CLVS1: variants seen among roughly 807,000 people sequenced by gnomAD.
CLVS1 encodes the protein clavesin-1.
CLVS1 carries 10 observed loss-of-function variants against 33.1 expected under a neutral mutation model. The ratio of observed to expected loss-of-function variants is 0.30; its 90% CI spans 0.19 to 0.51. The LOEUF (loss-of-function observed/expected upper bound fraction) is 0.51. Among genes scored for constraint, CLVS1 ranks in the 20% least tolerant of loss-of-function variants. The pLI, the probability that CLVS1 is intolerant of heterozygous loss-of-function variation, is 0.97. For synonymous variants in CLVS1, 163 were observed against 166.1 expected (o/e 0.98, Z 0.14); for missense variants, 343 against 433.4 (o/e 0.79, Z 1.85).
chr8:61,189,393 C>G (rs1024329985), intron 2 of CLVS1, among the ~76,000 whole-genome samples: 1 of 152,162 alleles, frequency 6.6e-6, no homozygotes, highest in Non-Finnish European at 1.5e-5. Context: ...TGGAAAGGAA[C>G]AACCGGTACC....
intron 2 of CLVS1, among the ~76,000 whole-genome samples, chr8:61,356,622 T>C (rs887554849): frequency 2.6e-5 from 4 of 152,170 alleles, no homozygotes; most frequent in African/African-American, 9.7e-5. Flanking sequence ...CAGTTTCAGC[T>C]TTCTACATAT....
At chr8:61,177,810 A>T (rs1235858260) in intron 2 of CLVS1, among the ~76,000 whole-genome samples, 1 of 152,150 alleles carries the variant, frequency 6.6e-6, no homozygotes, top group African/African-American at 2.4e-5. Context: ...ATCAAAAAAA[A>T]AAAAAAGTCC....
rs77601742 is a variant in CLVS1 at position 61,486,222 on chromosome 8, G to C, written c.978-13233G>C. Reference sequence around the variant, plus strand: ...CAGCTTTGAAAGAGGTACTCAATGGGACAGGTGGCATGTTTGCTTTTTGCT... The same window carrying C: ...CAGCTTTGAAAGAGGTACTCAATGGCACAGGTGGCATGTTTGCTTTTTGCT... On this transcript the variant is annotated intron_variant, in intron 5 of 5. Coordinates refer to ENST00000325897, the MANE Select transcript of CLVS1 (RefSeq NM_173519.3). 3.0e-3 allele frequency among the ~76,000 whole-genome samples: 458 copies of C among 152,312 alleles called. 1 individual carries two copies. The highest frequency in any genetic ancestry group is 4.9e-3 in the Non-Finnish European group (330 of 68,022).
intron 2 of CLVS1, among the ~76,000 whole-genome samples, chr8:61,362,864 C>T (rs1813045592): frequency 6.6e-6 from 1 of 152,122 alleles, no homozygotes; most frequent in African/African-American, 2.4e-5. Context: ...TTATATGTTG[C>T]CTCAGGGTTC....
the CLVS1 span, among the ~76,000 whole-genome samples, chr8:60,995,042 C>A: frequency 6.6e-6 from 1 of 151,824 alleles, no homozygotes; most frequent in African/African-American, 2.4e-5. Flanking sequence ...AAACGTTAGA[C>A]CTAAAACCAT....
intron 1 of CLVS1, among the ~76,000 whole-genome samples, chr8:61,060,064 A>T (rs1460957774): frequency 2.6e-5 from 4 of 152,088 alleles, no homozygotes; most frequent in Non-Finnish European, 4.4e-5. Context: ...TGGCAGTAGG[A>T]TCACTCACCT....
chr8:61,167,564 A>C (rs1395742530), intron 2 of CLVS1, among the ~76,000 whole-genome samples: 1 of 152,182 alleles, frequency 6.6e-6, no homozygotes, highest in Non-Finnish European at 1.5e-5. Context: ...TACTGTGAGG[A>C]AACATCAGAG....
the CLVS1 span, among the ~76,000 whole-genome samples, chr8:60,997,986 G>A: frequency 1.3e-5 from 2 of 152,100 alleles, no homozygotes; most frequent in East Asian, 3.9e-4. Flanking sequence ...GTGGAGGACG[G>A]TGGGAAGGTT....
In CLVS1 at chr8:61,105,599, T is replaced by C. The variant is rs1242243955; in HGVS notation, c.-242-26171T>C. ...ATGGGGCCTTCCACACGCCAGGTAC[T>C]CTCTGTGCCCTGAATAAGGCCTCAC... On this transcript the variant is annotated intron_variant, in intron 1 of 2. Transcript: ENST00000522621. Among the ~76,000 whole-genome samples the C allele has an allele frequency of 2.0e-5, 3 of 152,216 alleles. No individual in the cohort carries two copies. In the East Asian group the frequency reaches 5.8e-4, roughly 29 times the overall value.
In CLVS1 at chr8:61,293,621, C is replaced by T. The variant is rs1280268560; in HGVS notation, c.-152+5483C>T. Among the ~76,000 whole-genome samples the T allele has an allele frequency of 3.3e-5, 5 of 152,180 alleles. No individual in the cohort carries two copies. In the East Asian group the frequency reaches 9.6e-4, roughly 29 times the overall value. On this transcript the variant is annotated intron_variant, in intron 1 of 5. Coordinates refer to ENST00000325897, the MANE Select transcript of CLVS1 (RefSeq NM_173519.3). ...ATATCAGCAGCATCTATTTTTATTT[C>T]ATTCAGTATAAAAATTTCTTTTGGT... is the stretch of plus-strand genomic sequence containing the variant.
At chr8:61,094,428 G>A (rs962371008) in intron 1 of CLVS1, among the ~76,000 whole-genome samples, 1 of 152,110 alleles carries the variant, frequency 6.6e-6, no homozygotes, top group African/African-American at 2.4e-5. Context: ...TCGTGACATT[G>A]TATCAGTTTA....
chr8:61,008,820 A>G, the CLVS1 span, among the ~76,000 whole-genome samples: 3 of 152,352 alleles, frequency 2.0e-5, no homozygotes, highest in African/African-American at 4.8e-5. Flanking sequence ...TCCCAGGAAT[A>G]GAAGTTATCA....
rs141232164 is a variant in CLVS1 at position 61,071,619 on chromosome 8, C to T, written c.-243+14389C>T. Among the ~76,000 whole-genome samples the T allele has an allele frequency of 2.0e-5, 3 of 152,346 alleles. No homozygotes were observed. In the East Asian group the frequency reaches 5.8e-4, roughly 29 times the overall value. The stretch of plus-strand genomic sequence containing the variant: ...TATAAAGTGACACACACAACTTCTG[C>T]AGATGAGCATATGGATACCTTTGGT... On this transcript the variant is annotated intron_variant, in intron 1 of 2. Coordinates refer to the CLVS1 transcript ENST00000522621.
At chr8:60,977,167 C>T in the CLVS1 span, among the ~76,000 whole-genome samples, 2 of 152,262 alleles carry the variant, frequency 1.3e-5, no homozygotes. Flanking sequence ...AATGGTTGAC[C>T]CTAGTCCTCC....
Position 61,271,881 on chromosome 8 carries a change from C to T in CLVS1, c.-151-27796C>T, listed in dbSNP as rs554446551. On this transcript the variant is annotated intron_variant, in intron 2 of 2. Transcript: ENST00000522621. ...TCCATTTGCTTGGTAGATCTTCCTC[C>T]ATCCTTTTATTTTGAGCCTGTGTGT... is the stretch of plus-strand genomic sequence containing the variant. Among the ~76,000 whole-genome samples the T allele has an allele frequency of 7.9e-3, 1,195 of 151,308 alleles. 16 individuals carry two copies. Among genetic ancestry groups the T allele is most frequent in the African/African-American group, 0.027 (1,112 of 41,044 alleles).
At position 61,142,323 on chromosome 8, in the gene CLVS1, T is replaced by G. The variant is rs146242615; in HGVS notation, c.-152+10463T>G. 6.8e-3 allele frequency among the ~76,000 whole-genome samples: 1,037 copies of G among 152,316 alleles called. 10 individuals are homozygous for G. The highest frequency in any genetic ancestry group is 0.023 in the African/African-American group (965 of 41,568). On this transcript the variant is annotated intron_variant, in intron 2 of 2. Transcript: ENST00000522621. Reference sequence around the variant, plus strand: ...CCTGCTTCCCCTTCGCCTTCCACCATGATTGCAAGTTTCCTGAGGCCTCCC... The same window carrying G: ...CCTGCTTCCCCTTCGCCTTCCACCAGGATTGCAAGTTTCCTGAGGCCTCCC...
intron 3 of CLVS1, among the ~76,000 whole-genome samples, chr8:61,434,838 C>A (rs977073647): frequency 1.3e-5 from 2 of 151,974 alleles, no homozygotes; most frequent in Non-Finnish European, 2.9e-5. Flanking sequence ...GATTATCTCC[C>A]GGGTCTAGAG....
intron 3 of CLVS1, among the ~76,000 whole-genome samples, chr8:61,379,005 C>T (rs1487759974): frequency 1.3e-5 from 2 of 152,160 alleles, no homozygotes; most frequent in Non-Finnish European, 2.9e-5. Context: ...ATTCCAACAC[C>T]ACTGGCAGAC....
At chr8:61,319,543 C>T (rs1442914864) in intron 2 of CLVS1, among the ~76,000 whole-genome samples, 1 of 152,158 alleles carries the variant, frequency 6.6e-6, no homozygotes, top group Non-Finnish European at 1.5e-5. Context: ...TGACTTCCAT[C>T]TCATCACTAT....
Sources: allele counts gnomAD v4.1 joint callset (sites outside exome capture counted in the v4.1 genomes callset), GRCh38; gene constraint gnomAD v4.1.1; transcripts MANE v1.5; gene names NCBI Gene and HGNC (gene_info 2026-07-23, HGNC 2026-07-21).